The following RASA2 variants were observed in gnomAD, a reference collection of about 807,000 sequenced individuals.
RASA2 encodes the protein RAS p21 protein activator 2, also known as ras GTPase-activating protein 2.
A neutral mutation model predicts 118.2 loss-of-function variants in RASA2; 155 were observed. The ratio of observed to expected loss-of-function variants is 1.31; its 90% confidence interval spans 1.15 to 1.50. The LOEUF (loss-of-function observed/expected upper bound fraction) is 1.50. Among genes scored for constraint, RASA2 ranks in the 40% most tolerant of loss-of-function variants. The pLI is 0.00. For missense variants in RASA2, 1,016 were observed against 1,009.6 expected, an observed-to-expected ratio of 1.01 and a Z score of -0.09; for synonymous variants, 353 against 349.1, an observed-to-expected ratio of 1.01 and a Z score of -0.12.
At chr3:141,587,141 A>G (rs989879831) in intron 19 of RASA2, among the ~76,000 whole-genome samples, 1 of 152,222 alleles carries the variant, frequency 6.6e-6, no homozygotes, top group Non-Finnish European at 1.5e-5. Flanking sequence ...TTGCTGGGAA[A>G]TATCAGCCAA....
chr3:141,602,280 C>G (rs1463716383), intron 19 of RASA2, among the ~76,000 whole-genome samples: 1 of 152,194 alleles, frequency 6.6e-6, no homozygotes, highest in African/African-American at 2.4e-5. Flanking sequence ...TTTCCACGGA[C>G]TGGTGGGGGG....
chr3:141,542,156 G>A (rs1362441720), intron 5 of RASA2, among the ~76,000 whole-genome samples: 2 of 150,104 alleles, frequency 1.3e-5, no homozygotes, highest in African/African-American at 2.5e-5. Context: ...ATAACAAAAG[G>A]CGTTACTCAG....
At chr3:141,555,732 G>A in intron 6 of RASA2, 108 bp from the exon 7 acceptor site, 1 of 844,882 alleles carries the variant, frequency 1.2e-6, no homozygotes, top group Non-Finnish European at 1.8e-6. Context: ...TCTTCCCTGA[G>A]TCACCTTAAC....
intron 19 of RASA2, among the ~76,000 whole-genome samples, chr3:141,603,268 A>G (rs2083494651): frequency 6.6e-6 from 1 of 152,116 alleles, no homozygotes; most frequent in Non-Finnish European, 1.5e-5. Context: ...TTGTGGTGGT[A>G]ATTGTATTTT....
chr3:141,585,802 CATAAATAA>C (rs60749303), intron 17 of RASA2, among the ~76,000 whole-genome samples: 29 of 151,848 alleles, frequency 1.9e-4, no homozygotes, highest in Non-Finnish European at 2.9e-4. Context: ...TCTGTCTCCA[CATAAATAA>C]ATAAATAAAT....
rs1332623167 is a variant in RASA2, at chr3:141,571,488, T to C, written c.1103T>C (p.Leu368Pro). ...NDAVLPLVRL[L>P]LHHDKLVPFA... Reference sequence around the variant, plus strand: ...GCTGTTTTGCCCCTTGTACGACTGCTGCTGCACCATGATAAACTTGTTCCT... The same window carrying C: ...GCTGTTTTGCCCCTTGTACGACTGCCGCTGCACCATGATAAACTTGTTCCT... The change falls in exon 11 of 24, where the codon CTG becomes CCG. Residue 368 changes from leucine (L) to proline (P), a missense_variant. Leu to Pro is a moderately conservative substitution (Grantham distance 98). Transcript: ENST00000286364. 1 of 1,613,352 alleles carries C rather than the reference T, an allele frequency of 6.2e-7. No individual in the cohort carries two copies. Among genetic ancestry groups the C allele is most frequent in the Non-Finnish European group, 8.5e-7 (1 of 1,179,584 alleles).
chr3:141,533,830 CT>C (rs1411577024), intron 4 of RASA2, among the ~76,000 whole-genome samples: 1 of 152,040 alleles, frequency 6.6e-6, no homozygotes, highest in Non-Finnish European at 1.5e-5. Flanking sequence ...CTATTCTAAT[CT>C]GCTTTCAGAC....
intron 3 of RASA2, among the ~76,000 whole-genome samples, chr3:141,522,834 CT>C (rs982829413): frequency 2.6e-5 from 4 of 152,160 alleles, no homozygotes; most frequent in African/African-American, 9.7e-5. Context: ...GGACTGAGGG[CT>C]TTTCTGGTCC....
At chr3:141,608,442 GT>G in intron 20 of RASA2, 46 bp from the exon 21 acceptor site, 2 of 1,572,330 alleles carry the variant, frequency 1.3e-6, no homozygotes, top group Non-Finnish European at 1.7e-6. Flanking sequence ...CTGTGTGTTG[GT>G]TTTTGGACTC....
At chr3:141,519,924 A>G (rs947544893) in intron 3 of RASA2, among the ~76,000 whole-genome samples, 5 of 151,920 alleles carry the variant, frequency 3.3e-5, no homozygotes, top group African/African-American at 1.2e-4. Flanking sequence ...AATAGTAGGG[A>G]GAACAGCTCA....
intron 19 of RASA2, among the ~76,000 whole-genome samples, chr3:141,600,898 GACTT>G (rs2083452717): frequency 6.6e-6 from 1 of 152,174 alleles, no homozygotes; most frequent in Admixed American, 6.5e-5. Context: ...CTAATTTAAA[GACTT>G]ACTGTAAAGC....
At chr3:141,568,218 G>T (rs914060346) in intron 9 of RASA2, among the ~76,000 whole-genome samples, 1 of 151,982 alleles carries the variant, frequency 6.6e-6, no homozygotes, top group Non-Finnish European at 1.5e-5. Flanking sequence ...GAACAAACTG[G>T]ATCTATGAAA....
At position 141,493,385 on chromosome 3, in the gene RASA2, A is replaced by G. The variant is rs1477646974; in HGVS notation, c.133+6169A>G. 2.6e-5 allele frequency among the ~76,000 whole-genome samples: 4 copies of G among 152,116 alleles called. No homozygotes were observed. In the East Asian group the frequency reaches 7.7e-4, roughly 29 times the overall value. On this transcript the variant is annotated intron_variant, in intron 1 of 23. Transcript: ENST00000286364. ...TGTTTAGTTACTTGTGCCATGGTCT[A>G]CCTCAGCTATTTTCAGTTCTGACTG... is the stretch of plus-strand genomic sequence containing the variant.
chr3:141,539,050 G>A (rs553229055), intron 4 of RASA2, among the ~76,000 whole-genome samples: 13 of 152,096 alleles, frequency 8.5e-5, no homozygotes, highest in Middle Eastern at 3.2e-3. Flanking sequence ...TTTTTGTGCC[G>A]TTGGCTTGGC....
At chr3:141,580,278 A>G in intron 15 of RASA2, 90 bp from the exon 16 acceptor site, 1 of 949,468 alleles carries the variant, frequency 1.1e-6, no homozygotes, top group Non-Finnish European at 1.6e-6. Flanking sequence ...ATTGTTTTAC[A>G]GCAATGTAGT....
intron 1 of RASA2, among the ~76,000 whole-genome samples, chr3:141,507,698 C>G (rs75369215): frequency 1.3e-5 from 2 of 152,332 alleles, no homozygotes; most frequent in East Asian, 3.9e-4. Flanking sequence ...TTCATGAAAT[C>G]TGTGACTGAA....
chr3:141,556,826 A>G (rs1197649266), intron 7 of RASA2, among the ~76,000 whole-genome samples: 1 of 152,166 alleles, frequency 6.6e-6, no homozygotes, highest in African/African-American at 2.4e-5. Context: ...CTGTACTTTA[A>G]TAAAGGAACA....
intron 3 of RASA2, among the ~76,000 whole-genome samples, chr3:141,517,815 G>A (rs887095719): frequency 6.6e-6 from 1 of 151,860 alleles, no homozygotes; most frequent in Admixed American, 6.6e-5. Flanking sequence ...CACCACGCCC[G>A]ACTAATTTTT....
In RASA2 at chr3:141,555,923, G is replaced by T. The variant is rs1577729064; in HGVS notation, c.684+11G>T. ...ATCTTTTATTTTGAGGTAATTTTTTGTTTTACGTAAATGTTAACATTAAAT... is the reference window on the plus strand; with the variant it reads ...ATCTTTTATTTTGAGGTAATTTTTTTTTTTACGTAAATGTTAACATTAAAT... On this transcript the variant is annotated intron_variant, in intron 7 of 23. Transcript: ENST00000286364. 3 of 1,584,904 alleles carry T rather than the reference G, an allele frequency of 1.9e-6. No individual in the cohort carries two copies. The East Asian group carries it at 6.7e-5, about 36-fold the overall frequency.
Sources: gnomAD v4.1 joint callset for allele counts (sites outside exome capture counted in the v4.1 genomes callset) on GRCh38, gnomAD v4.1.1 for gene constraint, MANE v1.5 for transcripts, NCBI Gene and HGNC (gene_info 2026-07-23, HGNC 2026-07-21) for gene names.